The following EPHA7 variants were observed in gnomAD, a reference collection of about 807,000 sequenced individuals.
EPHA7 encodes ephrin type-A receptor 7.
Under a neutral mutation model 112.6 loss-of-function variants are expected in EPHA7, and 25 were observed. The observed-to-expected ratio is 0.22, with a 90% CI of 0.16 to 0.31. EPHA7 has a LOEUF of 0.31. EPHA7 is among the 10% of genes least tolerant of loss of function. EPHA7 has a pLI of 1.00. For synonymous variants in EPHA7, 437 were observed against 406.5 expected (o/e 1.07, Z -0.90); for missense variants, 962 against 1,212.6 (o/e 0.79, Z 3.07).
chr6:93,344,611 A>G (rs757296581), intron 5 of EPHA7, among the ~76,000 whole-genome samples: 20 of 151,664 alleles, frequency 1.3e-4, no homozygotes, highest in African/African-American at 4.6e-4. Context: ...GCTTTTGACC[A>G]TGGTAAACAT....
intron 6 of EPHA7, among the ~76,000 whole-genome samples, chr6:93,271,495 G>T (rs1771215496): frequency 6.6e-6 from 1 of 151,962 alleles, no homozygotes; most frequent in Non-Finnish European, 1.5e-5. Context: ...GTTGGTAATA[G>T]CAATGGTTTC....
chr6:93,250,970 A>T (rs1770181265), intron 14 of EPHA7, among the ~76,000 whole-genome samples: 1 of 152,140 alleles, frequency 6.6e-6, no homozygotes, highest in African/African-American at 2.4e-5. Context: ...ATATTATTAC[A>T]GTATGACCAT....
chr6:93,363,404 T>C (rs2127952614), intron 3 of EPHA7, among the ~76,000 whole-genome samples: 1 of 152,306 alleles, frequency 6.6e-6, no homozygotes, highest in East Asian at 1.9e-4. Context: ...TCTGAATTGA[T>C]GTTTCTCCAT....
At chr6:93,288,264 A>G (rs975724462) in intron 5 of EPHA7, among the ~76,000 whole-genome samples, 1 of 152,248 alleles carries the variant, frequency 6.6e-6, no homozygotes, top group African/African-American at 2.4e-5. Flanking sequence ...TAGGCTGTAC[A>G]GTACAACATA....
intron 3 of EPHA7, among the ~76,000 whole-genome samples, chr6:93,377,081 T>C (rs1035166963): frequency 6.6e-6 from 1 of 152,222 alleles, no homozygotes; most frequent in Non-Finnish European, 1.5e-5. Context: ...TCCAGTGCAA[T>C]AGTTTTCAAA....
intron 2 of EPHA7, among the ~76,000 whole-genome samples, chr6:93,412,108 C>A (rs1019031315): frequency 5.3e-5 from 8 of 151,904 alleles, no homozygotes; most frequent in Admixed American, 5.2e-4. Flanking sequence ...ATCTTAAAAG[C>A]CTAAATGAAT....
intron 5 of EPHA7, among the ~76,000 whole-genome samples, chr6:93,350,223 A>C (rs2127935951): frequency 6.6e-6 from 1 of 152,156 alleles, no homozygotes; most frequent in Non-Finnish European, 1.5e-5. Context: ...ATTTGTTAAT[A>C]TTCTCAGGAA....
intron 3 of EPHA7, among the ~76,000 whole-genome samples, chr6:93,405,808 T>TGA: frequency 1.5e-5 from 1 of 68,684 alleles, no homozygotes; most frequent in East Asian, 4.3e-4. Flanking sequence ...TGTGTGTGTG[T>TGA]GTGTGTATAT....
At chr6:93,357,530 T>C (rs1240738475) in intron 4 of EPHA7, among the ~76,000 whole-genome samples, 9 of 152,348 alleles carry the variant, frequency 5.9e-5, no homozygotes, top group South Asian at 4.1e-4. Flanking sequence ...AAACATTCAT[T>C]AATTGAAGAA....
chr6:93,272,472 C>A, intron 5 of EPHA7, 50 bp from the exon 6 acceptor site: 1 of 1,605,790 alleles, frequency 6.2e-7, no homozygotes, highest in Non-Finnish European at 8.5e-7. Flanking sequence ...CACTGGATGC[C>A]TCAAATCAAA....
At chr6:93,380,328 A>G in intron 3 of EPHA7, among the ~76,000 whole-genome samples, 1 of 152,088 alleles carries the variant, frequency 6.6e-6, no homozygotes, top group South Asian at 2.1e-4. Context: ...AACAATAACC[A>G]CTTACAGTAT....
intron 5 of EPHA7, among the ~76,000 whole-genome samples, chr6:93,301,699 G>A (rs185085043): frequency 8.5e-5 from 13 of 152,072 alleles, no homozygotes; most frequent in African/African-American, 2.9e-4. Flanking sequence ...GTAATCCTGG[G>A]AAAACCCTTG....
intron 3 of EPHA7, among the ~76,000 whole-genome samples, chr6:93,395,877 C>A (rs908272560): frequency 1.3e-5 from 2 of 151,846 alleles, no homozygotes; most frequent in Non-Finnish European, 2.9e-5. Flanking sequence ...CTTTCTATCT[C>A]TACAACAAAG....
At chr6:93,354,840 C>A (rs560026287) in intron 5 of EPHA7, among the ~76,000 whole-genome samples, 1 of 151,984 alleles carries the variant, frequency 6.6e-6, no homozygotes, top group Non-Finnish European at 1.5e-5. Flanking sequence ...CCCAAAGTGG[C>A]CAATTTGACA....
chr6:93,314,257 A>G (rs899392692), intron 5 of EPHA7, among the ~76,000 whole-genome samples: 4 of 151,936 alleles, frequency 2.6e-5, no homozygotes, highest in African/African-American at 4.8e-5. Flanking sequence ...TATGGCAAAA[A>G]CCCTATATAA....
At chr6:93,415,143 A>G (rs1245515756) in intron 1 of EPHA7, among the ~76,000 whole-genome samples, 2 of 152,026 alleles carry the variant, frequency 1.3e-5, no homozygotes, top group Admixed American at 6.5e-5. Flanking sequence ...ATAATAAGGT[A>G]TAATTCCTAT....
At chr6:93,411,252 C>T in intron 2 of EPHA7, 82 bp from the exon 3 acceptor site, 3 of 1,164,214 alleles carry the variant, frequency 2.6e-6, no homozygotes, top group Non-Finnish European at 3.7e-6. Context: ...TTCACAAATA[C>T]AGATCTTCGA....
At chr6:93,299,294 C>G (rs1772842624) in intron 5 of EPHA7, among the ~76,000 whole-genome samples, 1 of 151,270 alleles carries the variant, frequency 6.6e-6, no homozygotes, top group Admixed American at 6.6e-5. Flanking sequence ...CCACTGCACT[C>G]TAGCCTGGGC....
chr6:93,304,624 G>C (rs868525114), intron 5 of EPHA7, among the ~76,000 whole-genome samples: 1 of 152,158 alleles, frequency 6.6e-6, no homozygotes. Flanking sequence ...CTTAATGAAG[G>C]CCATTGTTTT....
Sources: gnomAD v4.1 joint callset for allele counts (sites outside exome capture counted in the v4.1 genomes callset) on GRCh38, gnomAD v4.1.1 for gene constraint, MANE v1.5 for transcripts, NCBI Gene and HGNC (gene_info 2026-07-23, HGNC 2026-07-21) for gene names.